The following DHX9 variants were observed in gnomAD, a reference collection of about 807,000 sequenced individuals.
DHX9 encodes ATP-dependent RNA helicase A.
DHX9 carries 27 observed loss-of-function variants against 148.7 expected under a neutral mutation model. That is an observed-to-expected ratio of 0.18 (90% CI 0.13 to 0.25). The LOEUF is 0.25. DHX9 is among the 10% of genes least tolerant of loss of function. The probability of loss-of-function intolerance (pLI) is 1.00; values close to 1 mark genes in which losing one functional copy is unlikely to be tolerated. For synonymous variants in DHX9, 529 were observed against 516.6 expected, an observed-to-expected ratio of 1.02 and a Z score of -0.33; for missense variants, 796 against 1,559.6, an observed-to-expected ratio of 0.51 and a Z score of 8.25.
At chr1:182,875,208 TA>T (rs1474991758) in intron 16 of DHX9, 1 of 505,518 alleles carries the variant, frequency 2.0e-6, no homozygotes, top group Non-Finnish European at 3.9e-6. Context: ...ATGCGATGTT[TA>T]AAGGCCAGGC....
intron 18 of DHX9, 104 bp downstream of exon 18, chr1:182,876,645 T>C: frequency 9.0e-7 from 1 of 1,116,676 alleles, no homozygotes; most frequent in Non-Finnish European, 1.3e-6. Context: ...CCCATCTAAA[T>C]TGAGGAAGAA....
intron 27 of DHX9, among the ~76,000 whole-genome samples, 162 bp from the exon 28 acceptor site, chr1:182,886,921 C>CTGTT (rs1649356411): frequency 6.6e-6 from 1 of 152,178 alleles, no homozygotes; most frequent in Admixed American, 6.5e-5. Context: ...CAATTGATGA[C>CTGTT]TGTTTTAGAA....
intron 3 of DHX9, among the ~76,000 whole-genome samples, chr1:182,851,325 A>G (rs1296509382): frequency 6.6e-6 from 1 of 152,242 alleles, no homozygotes; most frequent in Non-Finnish European, 1.5e-5. Context: ...ATTTGAATTT[A>G]GATCTAAGTG....
At chr1:182,875,986 T>C (rs1655911925) in intron 16 of DHX9, 64 bp from the exon 17 acceptor site, 1 of 1,288,114 alleles carries the variant, frequency 7.8e-7, no homozygotes, top group Non-Finnish European at 1.1e-6. Flanking sequence ...CTAGAAGAAA[T>C]CTAGAAGACT....
chr1:182,876,772 G>T (rs1648823887), intron 18 of DHX9, 58 bp from the exon 19 acceptor site: 1 of 1,323,244 alleles, frequency 7.6e-7, no homozygotes, highest in Admixed American at 1.9e-5. Context: ...AAGCAAATCA[G>T]TCCTTTTAAG....
At chr1:182,885,639 A>G (rs907649404) in intron 27 of DHX9, among the ~76,000 whole-genome samples, 3 of 152,220 alleles carry the variant, frequency 2.0e-5, no homozygotes, top group East Asian at 1.9e-4. Context: ...CATTTGATCT[A>G]TCTGTAAGAT....
chr1:182,869,177 A>C (rs968220283), intron 14 of DHX9, among the ~76,000 whole-genome samples: 4 of 152,208 alleles, frequency 2.6e-5, no homozygotes, highest in Non-Finnish European at 4.4e-5. Flanking sequence ...TAATCCTAGC[A>C]CTTTGGGAGG....
At chr1:182,843,578 A>G (rs1026889246) in intron 3 of DHX9, 144 bp downstream of exon 3, 7 of 802,242 alleles carry the variant, frequency 8.7e-6, no homozygotes, top group Non-Finnish European at 1.3e-5. Context: ...GTTTTGTCTC[A>G]GCACTGGACA....
At position 182,872,426 on chromosome 1, in the gene DHX9, C is replaced by T. The variant is rs762987791; in HGVS notation, c.1647C>T (p.Ser549=). Residue 549 remains serine (S), a synonymous_variant, in exon 15 of 28, where the codon AGC becomes AGT. Transcript: ENST00000367549. The stretch of plus-strand genomic sequence containing the variant: ...TTATGTCTGCTACTATTGATACCAG[C>T]ATGTTTTGTGAATATTTCTTCAATT... ...IVLMSATIDT[S]MFCEYFFNCP... The T allele has an allele frequency of 6.2e-7, 1 of 1,613,932 alleles. No individual in the cohort carries two copies. Among genetic ancestry groups the T allele is most frequent in the Non-Finnish European group, 8.5e-7 (1 of 1,179,956 alleles).
intron 3 of DHX9, among the ~76,000 whole-genome samples, chr1:182,850,211 A>C (rs2102593363): frequency 6.6e-6 from 1 of 152,154 alleles, no homozygotes; most frequent in South Asian, 2.1e-4. Flanking sequence ...ATTCTGTCAG[A>C]TACTTGTGTC....
intron 4 of DHX9, 144 bp from the exon 5 acceptor site, chr1:182,853,162 C>T (rs774306932): frequency 3.6e-5 from 21 of 590,050 alleles, no homozygotes; most frequent in Non-Finnish European, 5.7e-5. Flanking sequence ...CCTGACCACA[C>T]GTGATACCCA....
At chr1:182,856,500 A>G (rs749426490) in intron 6 of DHX9, 32 bp from the exon 7 acceptor site, 22 of 1,608,844 alleles carry the variant, frequency 1.4e-5, no homozygotes, top group Non-Finnish European at 1.8e-5. Context: ...TAACAGTGAA[A>G]TTTCTAACCT....
At chr1:182,844,756 A>T (rs923194508) in intron 3 of DHX9, among the ~76,000 whole-genome samples, 4 of 152,300 alleles carry the variant, frequency 2.6e-5, no homozygotes, top group African/African-American at 9.6e-5. Flanking sequence ...GCTGGTCTCG[A>T]ACTCCTGACC....
intron 6 of DHX9, among the ~76,000 whole-genome samples, chr1:182,854,874 CT>C (rs1460667518): frequency 1.3e-5 from 2 of 152,104 alleles, no homozygotes; most frequent in Non-Finnish European, 2.9e-5. Context: ...ATGGATTAGA[CT>C]TTTCTGGGGA....
intron 12 of DHX9, among the ~76,000 whole-genome samples, chr1:182,865,601 A>T (rs1571310889): frequency 6.6e-6 from 1 of 152,230 alleles, no homozygotes; most frequent in African/African-American, 2.4e-5. Flanking sequence ...GTAGCTTTCA[A>T]TCTTTTATCT....
chr1:182,853,396 A>G lies in DHX9; in HGVS notation c.455A>G (p.Lys152Arg), dbSNP rs754455568. ...GANLKDYYSR[K>R]EEQEVQATLE... ...AACTTGAAGGATTACTACTCAAGAA[A>G]GGAAGAACAAGAAGTGCAAGCGGTA... The change falls in exon 5 of 28, where the codon AAG becomes AGG. Residue 152 changes from lysine (K) to arginine (R), a missense_variant. Lys to Arg is a conservative substitution (Grantham distance 26, BLOSUM62 2). This residue lies in a region of DHX9 where 46 missense variants were observed against 136.3 expected (regional missense o/e 0.34). Coordinates refer to ENST00000367549, the MANE Select transcript of DHX9 (RefSeq NM_001357.5). 3 of 1,614,052 alleles carry G rather than the reference A, an allele frequency of 1.9e-6. No homozygotes were observed. The highest frequency in any genetic ancestry group is 2.5e-6 in the Non-Finnish European group (3 of 1,179,936).
chr1:182,861,289 A>G (rs1395265593), intron 12 of DHX9, among the ~76,000 whole-genome samples: 1 of 152,142 alleles, frequency 6.6e-6, no homozygotes. Context: ...TTTTCTGGGA[A>G]AGGATTCCTA....
intron 14 of DHX9, among the ~76,000 whole-genome samples, chr1:182,870,248 C>T (rs1648501844): frequency 6.6e-6 from 1 of 152,120 alleles, no homozygotes; most frequent in African/African-American, 2.4e-5. Context: ...TCAAGTTGGT[C>T]CACATTTTGA....
At chr1:182,875,387 A>C (rs1036545486) in intron 16 of DHX9, among the ~76,000 whole-genome samples, 2 of 152,212 alleles carry the variant, frequency 1.3e-5, no homozygotes, top group Admixed American at 6.5e-5. Flanking sequence ...ATATACAATA[A>C]AGTTTAAGAA....
Sources: allele counts gnomAD v4.1 joint callset (sites outside exome capture counted in the v4.1 genomes callset), GRCh38; gene constraint gnomAD v4.1.1; regional missense constraint gnomAD v4.1.1; transcripts MANE v1.5; gene names NCBI Gene and HGNC (gene_info 2026-07-23, HGNC 2026-07-21).